The following NR2C2 variants were observed in gnomAD, a reference collection of about 807,000 sequenced individuals.
NR2C2 encodes the protein nuclear receptor subfamily 2 group C member 2.
A neutral mutation model predicts 62.9 loss-of-function variants in NR2C2; 6 were observed. That is an observed-to-expected ratio of 0.10 (90% CI 0.05 to 0.19). The LOEUF is 0.19. NR2C2 is among the 10% of genes least tolerant of loss of function. NR2C2 has a pLI of 1.00. For synonymous variants in NR2C2, 272 were observed against 273.8 expected (o/e 0.99, Z 0.07); for missense variants, 479 against 762.7 (o/e 0.63, Z 4.38).
At chr3:15,029,432 A>G (rs1374007872) in intron 8 of NR2C2, among the ~76,000 whole-genome samples, 1 of 152,202 alleles carries the variant, frequency 6.6e-6, no homozygotes. Flanking sequence ...GACCAGCCAG[A>G]TACAAAGCTG....
chr3:14,959,314 T>C (rs1035889038), intron 1 of NR2C2: 3 of 152,242 alleles, frequency 2.0e-5, no homozygotes, highest in African/African-American at 7.2e-5. Flanking sequence ...TACATTGTGA[T>C]ATCCTGGAAG....
intron 1 of NR2C2, among the ~76,000 whole-genome samples, chr3:14,957,238 G>A (rs571972166): frequency 6.6e-4 from 101 of 152,322 alleles, no homozygotes; most frequent in Non-Finnish European, 1.3e-3. Flanking sequence ...ATTGTGGAGG[G>A]AAAGGCAGCC....
intron 11 of NR2C2, among the ~76,000 whole-genome samples, chr3:15,036,162 C>G (rs969506052): frequency 6.6e-6 from 1 of 152,136 alleles, no homozygotes; most frequent in Non-Finnish European, 1.5e-5. Flanking sequence ...TGCACTGCAG[C>G]CTGGGTGACA....
chr3:15,012,261 T>C (rs1379432588), intron 2 of NR2C2, among the ~76,000 whole-genome samples: 2 of 152,092 alleles, frequency 1.3e-5, no homozygotes, highest in African/African-American at 4.8e-5. Flanking sequence ...AGTTTCCCTT[T>C]TGTCGCTCAG....
At chr3:15,005,304 C>T (rs998314093) in intron 2 of NR2C2, among the ~76,000 whole-genome samples, 2 of 150,700 alleles carry the variant, frequency 1.3e-5, no homozygotes, top group Non-Finnish European at 3.0e-5. Context: ...CTCCCATCTA[C>T]GCCTCCCAAG....
intron 1 of NR2C2, among the ~76,000 whole-genome samples, chr3:14,974,257 C>T (rs2040137934): frequency 6.6e-6 from 1 of 152,164 alleles, no homozygotes; most frequent in African/African-American, 2.4e-5. Flanking sequence ...GTATGTCTCT[C>T]TTTATGCCAG....
chr3:15,043,028 AAGG>A lies in NR2C2; in HGVS notation c.*23_*25del. On this transcript the variant is annotated 3_prime_UTR_variant, in exon 14 of 14. Transcript: ENST00000425241. ...CTATAGCGCAAACCACACACCTGCC[AAGG>A]AGCAACAGAATCCTTCCAGGACCGT... 1 of 1,609,916 alleles carries A rather than the reference AAGG, an allele frequency of 6.2e-7. No individual in the cohort carries two copies. The highest frequency in any genetic ancestry group is 8.5e-7 in the Non-Finnish European group (1 of 1,177,344).
chr3:14,994,092 T>A (rs778398053), intron 1 of NR2C2, among the ~76,000 whole-genome samples: 28 of 152,212 alleles, frequency 1.8e-4, no homozygotes, highest in Non-Finnish European at 4.0e-4. Flanking sequence ...ACTGTCACTT[T>A]GTTTTAATGA....
At chr3:14,948,344 C>G (rs2125184125) in intron 1 of NR2C2, 1 of 152,390 alleles carries the variant, frequency 6.6e-6, no homozygotes, top group East Asian at 1.9e-4. Flanking sequence ...GCGGCCGTCG[C>G]AGCCCAACCG....
chr3:14,965,825 G>A lies in NR2C2; in HGVS notation c.-40+17919G>A, dbSNP rs541762924. ...ATTACAGGCGTGGGGCACTATGCCTGGCTAATTTTTTGTATTTGTCGTAGA... is the reference window on the plus strand; with the variant it reads ...ATTACAGGCGTGGGGCACTATGCCTAGCTAATTTTTTGTATTTGTCGTAGA... On this transcript the variant is annotated intron_variant, in intron 1 of 13. Coordinates refer to ENST00000425241, the MANE Select transcript of NR2C2 (RefSeq NM_001291694.2). 1.7e-3 allele frequency among the ~76,000 whole-genome samples: 252 copies of A among 152,186 alleles called. 2 individuals carry two copies. Among genetic ancestry groups the A allele is most frequent in the African/African-American group, 5.6e-3 (232 of 41,540 alleles).
rs529119358 is a variant in NR2C2 at position 14,994,380 on chromosome 3, T to G, written c.-39-9496T>G. Among the ~76,000 whole-genome samples, 3 of 151,740 alleles carry G rather than the reference T, an allele frequency of 2.0e-5. No homozygotes were observed. The East Asian group carries it at 5.8e-4, about 29-fold the overall frequency. Reference sequence around the variant, plus strand: ...TTACCTGCACCTTCTTCCTTAAAGATGAACTCTACCCCAGCCCCTTATACC... The same window carrying G: ...TTACCTGCACCTTCTTCCTTAAAGAGGAACTCTACCCCAGCCCCTTATACC... On this transcript the variant is annotated intron_variant, in intron 1 of 13. Coordinates refer to ENST00000425241, the MANE Select transcript of NR2C2 (RefSeq NM_001291694.2).
At chr3:14,953,843 C>T (rs941701636) in intron 1 of NR2C2, among the ~76,000 whole-genome samples, 1 of 146,286 alleles carries the variant, frequency 6.8e-6, no homozygotes, top group Non-Finnish European at 1.5e-5. Flanking sequence ...TGCAGTGAAC[C>T]AAGATCACGC....
chr3:14,958,336 A>G (rs142776498), intron 1 of NR2C2, among the ~76,000 whole-genome samples: 267 of 151,414 alleles, frequency 1.8e-3, no homozygotes, highest in African/African-American at 6.3e-3. Context: ...GATCTTCTGT[A>G]GCACTTTTTT....
intron 1 of NR2C2, chr3:14,948,594 GCGGGGC>G (rs1217701790): frequency 3.3e-5 from 5 of 152,226 alleles, no homozygotes; most frequent in Non-Finnish European, 7.4e-5. Context: ...GTCGGCGGGG[GCGGGGC>G]CGGGGGCGGG....
chr3:14,948,385 A>T (rs1355954322), intron 1 of NR2C2: 2 of 152,214 alleles, frequency 1.3e-5, no homozygotes, highest in Non-Finnish European at 1.5e-5. Context: ...GGTAAAAGAA[A>T]AGGAGGAAGG....
In NR2C2 at chr3:15,030,566, G is replaced by A. The variant is rs1443942445; in HGVS notation, c.1110+114G>A. On this transcript the variant is annotated intron_variant, in intron 9 of 13. Transcript: ENST00000425241. ...CTTGGGGCCAGGCATAGTGGCTCAT[G>A]CCTGTAATCTTAGCACTTCGGGAGG... 5 of 1,130,336 alleles carry A rather than the reference G, an allele frequency of 4.4e-6. No individual in the cohort carries two copies. In the African/African-American group the frequency reaches 4.8e-5, roughly 11 times the overall value. The allele number at this position is 1,130,336 out of a possible 1,614,324, so 70.0% of individuals were successfully genotyped here.
chr3:15,043,275 A>G lies in NR2C2; in HGVS notation c.*267A>G. On this transcript the variant is annotated 3_prime_UTR_variant, in exon 14 of 14. Transcript: ENST00000425241. ...TCAATTTGTATTTAGAAATTCTCAA[A>G]GGGCAAAAAACAAAAAAAAAGGTTT... 1 of 283,632 alleles carries G rather than the reference A, an allele frequency of 3.5e-6. No homozygotes were observed. 17.6% of individuals were successfully genotyped at this position (283,632 alleles called of 1,614,324 possible).
chr3:14,996,777 T>C (rs2040844140), intron 1 of NR2C2, among the ~76,000 whole-genome samples: 1 of 152,180 alleles, frequency 6.6e-6, no homozygotes, highest in Admixed American at 6.5e-5. Flanking sequence ...TTAGCCAGGA[T>C]GGTCTCAATC....
chr3:14,972,991 A>C (rs1201413082), intron 1 of NR2C2, among the ~76,000 whole-genome samples: 4 of 152,180 alleles, frequency 2.6e-5, no homozygotes, highest in African/African-American at 9.7e-5. Context: ...AGCACTGGGG[A>C]TTACAGTTTG....
Sources: gnomAD v4.1 joint callset for allele counts (sites outside exome capture counted in the v4.1 genomes callset) on GRCh38, gnomAD v4.1.1 for gene constraint, MANE v1.5 for transcripts, NCBI Gene and HGNC (gene_info 2026-07-23, HGNC 2026-07-21) for gene names.